Variants in SOX5 observed in about 807,000 individuals in gnomAD.
SOX5 encodes SRY-box transcription factor 5.
Under a neutral mutation model 92.0 loss-of-function variants are expected in SOX5, and 9 were observed. That is an observed-to-expected ratio of 0.10 (90% CI 0.06 to 0.17). The LOEUF is 0.17. SOX5 is among the 10% of genes least tolerant of loss of function. The pLI, the probability that SOX5 is intolerant of heterozygous loss-of-function variation, is 1.00. For synonymous variants in SOX5, 344 were observed against 336.3 expected (o/e 1.02, Z -0.25); for missense variants, 642 against 944.5 (o/e 0.68, Z 4.20).
chr12:23,833,754 G>C (rs1400493854), intron 3 of SOX5, among the ~76,000 whole-genome samples: 1 of 151,896 alleles, frequency 6.6e-6, no homozygotes, highest in Non-Finnish European at 1.5e-5. Flanking sequence ...AATAAGGATA[G>C]GGGTATACAT....
At chr12:24,498,818 T>C (rs1434700722) in intron 1 of SOX5, among the ~76,000 whole-genome samples, 2 of 152,110 alleles carry the variant, frequency 1.3e-5, no homozygotes, top group Non-Finnish European at 2.9e-5. Flanking sequence ...TCTACCCACC[T>C]CTCTCAGGGT....
intron 5 of SOX5, among the ~76,000 whole-genome samples, chr12:23,736,582 C>A (rs555157186): frequency 1.3e-5 from 2 of 151,310 alleles, no homozygotes; most frequent in African/African-American, 2.4e-5. Context: ...TACCTGGCTG[C>A]GCAAAAAAAT....
chr12:24,142,488 G>A lies in SOX5; in HGVS notation c.-2+70855C>T, dbSNP rs150964688. Among the ~76,000 whole-genome samples, 406 of 152,106 alleles carry A rather than the reference G, an allele frequency of 2.7e-3. 1 individual carries two copies. The highest frequency in any genetic ancestry group is 0.011 in the South Asian group (52 of 4,806). On this transcript the variant is annotated intron_variant, in intron 4 of 4. Transcript: ENST00000446891. The stretch of plus-strand genomic sequence containing the variant: ...AGTTCCTGTTTCTTCTCTATAATGC[G>A]CAATTTGTGGGGTGGACATTTTATA...
At chr12:24,327,685 G>A (rs1003901016) in intron 2 of SOX5, among the ~76,000 whole-genome samples, 2 of 151,906 alleles carry the variant, frequency 1.3e-5, no homozygotes, top group Admixed American at 1.3e-4. Flanking sequence ...CTGGGTTCAC[G>A]CTATTCTCCT....
intron 10 of SOX5, among the ~76,000 whole-genome samples, chr12:23,563,872 A>C (rs1312058794): frequency 1.3e-5 from 2 of 152,180 alleles, no homozygotes; most frequent in East Asian, 3.9e-4. Flanking sequence ...TCTGTATAGC[A>C]CTATTAAGTT....
rs774319760 is a variant in SOX5 at position 23,575,741 on chromosome 12, C to G, written c.1262G>C (p.Arg421Thr). The G allele has an allele frequency of 6.2e-7, 1 of 1,613,956 alleles. No individual in the cohort carries two copies. The highest frequency in any genetic ancestry group is 2.2e-5 in the East Asian group (1 of 44,866). ...SPTSPHMPAL[R>T]INSGAGPLKA... ...GAGGGGGCCTGCCCCACTGTTTATT[C>G]TCAGAGCTGGCATATGGGGAGAGGT... Residue 421 changes from arginine to threonine, a missense_variant, in exon 10 of 15, where the codon AGA becomes ACA. Arg to Thr is a moderately conservative substitution (Grantham distance 71, BLOSUM62 -1). Around this residue, in one of 8 missense-constraint regions of SOX5, gnomAD observed 324 missense variants for 461.6 expected, o/e 0.70. Coordinates refer to ENST00000451604, the MANE Select transcript of SOX5 (RefSeq NM_006940.6).
intron 1 of SOX5, among the ~76,000 whole-genome samples, chr12:24,480,741 C>T (rs1945896343): frequency 6.6e-6 from 1 of 151,502 alleles, no homozygotes; most frequent in Non-Finnish European, 1.5e-5. Context: ...ATGACTTTTA[C>T]ATGAAAGGCA....
At position 23,977,886 on chromosome 12, in the gene SOX5, C is replaced by T. The variant is rs188592359; in HGVS notation, c.-1-81862G>A. ...GATACTAATTTGTGGAATAAATAGGCTTTTGTTCGCTGGCCTGGTTAGGCA... is the reference window on the plus strand; with the variant it reads ...GATACTAATTTGTGGAATAAATAGGTTTTTGTTCGCTGGCCTGGTTAGGCA... On this transcript the variant is annotated intron_variant, in intron 4 of 4. Transcript: ENST00000446891. Among the ~76,000 whole-genome samples, 17 of 152,274 alleles carry T rather than the reference C, an allele frequency of 1.1e-4. 1 individual carries two copies. The highest frequency in any genetic ancestry group is 3.4e-3 in the Middle Eastern group (1 of 292).
intron 1 of SOX5, among the ~76,000 whole-genome samples, chr12:24,478,663 T>C (rs1418540095): frequency 6.6e-6 from 1 of 152,220 alleles, no homozygotes. Flanking sequence ...AAGAAATCTT[T>C]GGAGCATTAT....
intron 1 of SOX5, among the ~76,000 whole-genome samples, chr12:24,391,271 C>T (rs952457843): frequency 6.6e-6 from 1 of 151,978 alleles, no homozygotes; most frequent in South Asian, 2.1e-4. Context: ...AAAGGAGTTA[C>T]TGGTTTTTTA....
intron 1 of SOX5, chr12:24,368,723 A>G (rs1219894048): frequency 2.0e-5 from 3 of 152,226 alleles, no homozygotes; most frequent in African/African-American, 4.8e-5. Context: ...GAAGGTATGA[A>G]TTCAACGAAG....
At chr12:24,375,189 G>A (rs571727256) in intron 1 of SOX5, among the ~76,000 whole-genome samples, 5 of 151,470 alleles carry the variant, frequency 3.3e-5, no homozygotes, top group African/African-American at 9.7e-5. Flanking sequence ...TAGCCAGGAT[G>A]GTCTCGATCA....
rs915628757 is a variant in SOX5 at position 24,151,541 on chromosome 12, G to A, written c.-2+61802C>T. On this transcript the variant is annotated intron_variant, in intron 4 of 4. Transcript: ENST00000446891. ...AACTTTAACTATTTTGAAGGTGGTAGTAGTGATGATGATGATAATGTGTGA... is the reference window on the plus strand; with the variant it reads ...AACTTTAACTATTTTGAAGGTGGTAATAGTGATGATGATGATAATGTGTGA... Among the ~76,000 whole-genome samples the A allele has an allele frequency of 1.1e-4, 17 of 152,124 alleles. No individual in the cohort carries two copies. In the South Asian group the frequency reaches 1.9e-3, roughly 17 times the overall value.
intron 1 of SOX5, among the ~76,000 whole-genome samples, chr12:24,424,818 G>A (rs1966505327): frequency 6.7e-6 from 1 of 149,148 alleles, no homozygotes; most frequent in African/African-American, 2.5e-5. Flanking sequence ...TGGGGGGGGG[G>A]GATGGCTGTT....
At chr12:24,455,249 C>T (rs1005085341) in intron 1 of SOX5, among the ~76,000 whole-genome samples, 13 of 152,164 alleles carry the variant, frequency 8.5e-5, no homozygotes, top group African/African-American at 3.1e-4. Context: ...GGGTGAACAT[C>T]ATTGACGCAG....
chr12:24,545,547 G>A (rs145118589), intron 1 of SOX5, among the ~76,000 whole-genome samples: 10 of 151,890 alleles, frequency 6.6e-5, no homozygotes, highest in Admixed American at 2.6e-4. Flanking sequence ...TACGAATAAC[G>A]CAAACATAAG....
At chr12:24,527,098 C>A (rs1375584106) in intron 1 of SOX5, among the ~76,000 whole-genome samples, 1 of 152,148 alleles carries the variant, frequency 6.6e-6, no homozygotes, top group African/African-American at 2.4e-5. Context: ...AGCCATATTT[C>A]TTTATTGTTT....
At chr12:24,112,328 A>G (rs777893008) in intron 4 of SOX5, among the ~76,000 whole-genome samples, 2 of 152,112 alleles carry the variant, frequency 1.3e-5, no homozygotes, top group Non-Finnish European at 2.9e-5. Context: ...TTTATGTACT[A>G]TGTATAGCTA....
intron 6 of SOX5, among the ~76,000 whole-genome samples, chr12:23,733,934 T>G (rs2093487442): frequency 6.6e-6 from 1 of 152,176 alleles, no homozygotes; most frequent in Non-Finnish European, 1.5e-5. Flanking sequence ...GACACTATGC[T>G]AAGGCTCTTT....
Sources: gnomAD v4.1 joint callset for allele counts (sites outside exome capture counted in the v4.1 genomes callset) on GRCh38, gnomAD v4.1.1 for gene constraint, gnomAD v4.1.1 regional missense constraint, MANE v1.5 for transcripts, NCBI Gene and HGNC (gene_info 2026-07-23, HGNC 2026-07-21) for gene names.